The following PXDNL variants were observed in gnomAD, a reference collection of about 807,000 sequenced individuals.
PXDNL encodes peroxidasin like, also known as probable oxidoreductase PXDNL.
Under a neutral mutation model 150.8 loss-of-function variants are expected in PXDNL, and 145 were observed. The observed-to-expected ratio is 0.96, with a 90% CI of 0.84 to 1.10. PXDNL has a LOEUF of 1.10. Among genes scored for constraint, PXDNL ranks in the 50% least tolerant of loss-of-function variants. PXDNL has a pLI of 0.00. For missense variants in PXDNL, 2,087 were observed against 1,873.9 expected, an observed-to-expected ratio of 1.11 and a Z score of -2.10; for synonymous variants, 757 against 725.7, an observed-to-expected ratio of 1.04 and a Z score of -0.69.
chr8:51,437,227 T>C lies in PXDNL; in HGVS notation c.1525+9777A>G, dbSNP rs750350497. 5.7e-4 allele frequency among the ~76,000 whole-genome samples: 87 copies of C among 151,926 alleles called. 2 individuals are homozygous for C. The highest frequency in any genetic ancestry group is 3.2e-3 in the Middle Eastern group (1 of 316). ...AATAAAAAATTTGTCAACAAAAAAG[T>C]CTAGAATTCATAGCTGAATTCTATC... On this transcript the variant is annotated intron_variant, in intron 12 of 22. Transcript: ENST00000356297.
chr8:51,689,213 C>A (rs1815938527), intron 1 of PXDNL, among the ~76,000 whole-genome samples: 1 of 152,220 alleles, frequency 6.6e-6, no homozygotes. Context: ...GGGAGCTGCT[C>A]TGCAGCAGGA....
chr8:51,744,085 G>A (rs34659907), intron 1 of PXDNL, among the ~76,000 whole-genome samples: 30,642 of 47,788 alleles, frequency 0.64, 7,939 homozygotes, highest in African/African-American at 0.7. Context: ...AAGGAAGGAA[G>A]GAAGGAAGGA....
At chr8:51,741,699 A>C (rs755635132) in intron 1 of PXDNL, among the ~76,000 whole-genome samples, 6 of 152,228 alleles carry the variant, frequency 3.9e-5, no homozygotes, top group Non-Finnish European at 1.5e-5. Context: ...AATCTATTCA[A>C]ATAATTTTGA....
At chr8:51,776,245 C>T (rs2037352089) in intron 1 of PXDNL, among the ~76,000 whole-genome samples, 1 of 152,136 alleles carries the variant, frequency 6.6e-6, no homozygotes, top group Non-Finnish European at 1.5e-5. Context: ...GCCCTGCCTC[C>T]ATTTGCCTTG....
chr8:51,775,960 T>C (rs554196454), intron 1 of PXDNL, among the ~76,000 whole-genome samples: 25 of 152,290 alleles, frequency 1.6e-4, no homozygotes, highest in African/African-American at 5.5e-4. Context: ...GGAACATCCC[T>C]GAGAAAGAGA....
chr8:51,472,038 T>G lies in PXDNL; in HGVS notation c.812+149A>C. The stretch of plus-strand genomic sequence containing the variant: ...AAGGCCTTAACATAGCTTGAGTAAG[T>G]CAACAGATAAAAGTTAAAAGGCATT... On this transcript the variant is annotated intron_variant, in intron 8 of 22. Transcript: ENST00000356297. The G allele has an allele frequency of 7.1e-6, 4 of 561,766 alleles. No individual in the cohort carries two copies. In the South Asian group the frequency reaches 1.1e-4, roughly 16 times the overall value. 34.8% of individuals were successfully genotyped at this position (561,766 alleles called of 1,614,324 possible). A position where few individuals can be genotyped will look rare whatever the true frequency, so the allele number is the denominator to read the frequency against.
intron 1 of PXDNL, among the ~76,000 whole-genome samples, chr8:51,672,538 C>T (rs2130831213): frequency 1.3e-5 from 2 of 152,204 alleles, no homozygotes; most frequent in East Asian, 3.9e-4. Flanking sequence ...GTCAAAATTA[C>T]AAATAACCTG....
chr8:51,534,966 T>G (rs1371614166), intron 4 of PXDNL, among the ~76,000 whole-genome samples: 1 of 88,998 alleles, frequency 1.1e-5, no homozygotes, highest in African/African-American at 6.7e-5. Flanking sequence ...GGGAGGGAGG[T>G]GGGGGGGTCA....
At chr8:51,771,546 C>T (rs968233784) in intron 1 of PXDNL, among the ~76,000 whole-genome samples, 19 of 152,172 alleles carry the variant, frequency 1.2e-4, no homozygotes, top group Admixed American at 6.5e-5. Context: ...GACCCCTATC[C>T]TTGGGGGCAA....
chr8:51,731,983 T>G (rs544056288), intron 1 of PXDNL, among the ~76,000 whole-genome samples: 2 of 152,328 alleles, frequency 1.3e-5, no homozygotes, highest in South Asian at 4.1e-4. Context: ...CCCCATTGTC[T>G]TGGCAATTAA....
chr8:51,411,948 C>G (rs771288555), intron 15 of PXDNL, among the ~76,000 whole-genome samples: 14 of 152,060 alleles, frequency 9.2e-5, no homozygotes, highest in Non-Finnish European at 1.9e-4. Context: ...CTTATATACT[C>G]AGTAAAATGT....
At chr8:51,573,896 AT>A (rs1812997143) in intron 3 of PXDNL, among the ~76,000 whole-genome samples, 2 of 152,064 alleles carry the variant, frequency 1.3e-5, no homozygotes, top group South Asian at 4.1e-4. Flanking sequence ...CATCTTTAGT[AT>A]TTCGAAGAAA....
intron 19 of PXDNL, among the ~76,000 whole-genome samples, chr8:51,370,223 A>T (rs764014162): frequency 6.6e-6 from 1 of 152,238 alleles, no homozygotes; most frequent in Non-Finnish European, 1.5e-5. Flanking sequence ...GGCAGAGGTG[A>T]GAAGAGCTAG....
At chr8:51,353,836 C>T (rs1312050193) in intron 19 of PXDNL, among the ~76,000 whole-genome samples, 1 of 152,124 alleles carries the variant, frequency 6.6e-6, no homozygotes, top group Admixed American at 6.5e-5. Context: ...TTCTTACTTA[C>T]ATTCAACTGT....
intron 1 of PXDNL, among the ~76,000 whole-genome samples, chr8:51,728,312 T>G (rs1248790611): frequency 2.0e-5 from 3 of 152,252 alleles, no homozygotes; most frequent in Non-Finnish European, 4.4e-5. Flanking sequence ...ATATACTCAT[T>G]ATACTTTTAA....
chr8:51,427,148 C>T lies in PXDNL; in HGVS notation c.1526-390G>A, dbSNP rs4873549. Among the ~76,000 whole-genome samples, 854 of 152,252 alleles carry T rather than the reference C, an allele frequency of 5.6e-3. 24 individuals are homozygous for T. The highest frequency in any genetic ancestry group is 0.043 in the Admixed American group (663 of 15,294). Reference sequence around the variant, plus strand: ...TAAAAAGATCCAGCTCTTCAGTGAGCATCTCATTTCCTCAAAAAACACAAA... The same window carrying T: ...TAAAAAGATCCAGCTCTTCAGTGAGTATCTCATTTCCTCAAAAAACACAAA... On this transcript the variant is annotated intron_variant, in intron 12 of 22. Coordinates refer to ENST00000356297, the MANE Select transcript of PXDNL (RefSeq NM_144651.5).
intron 1 of PXDNL, among the ~76,000 whole-genome samples, chr8:51,661,340 C>T (rs1340367303): frequency 6.6e-6 from 1 of 152,180 alleles, no homozygotes; most frequent in East Asian, 1.9e-4. Context: ...ATCAACTTGG[C>T]TAGGTCACAG....
At chr8:51,671,288 T>C (rs1036592861) in intron 1 of PXDNL, among the ~76,000 whole-genome samples, 1 of 152,244 alleles carries the variant, frequency 6.6e-6, no homozygotes, top group East Asian at 1.9e-4. Flanking sequence ...CACATATTCA[T>C]GCACAGAGAA....
intron 4 of PXDNL, among the ~76,000 whole-genome samples, chr8:51,516,791 A>C (rs1052603578): frequency 5.9e-5 from 9 of 152,208 alleles, no homozygotes; most frequent in Non-Finnish European, 1.2e-4. Context: ...ACTAGGGACC[A>C]ATTAAGATGT....
Sources: allele counts gnomAD v4.1 joint callset (sites outside exome capture counted in the v4.1 genomes callset), GRCh38; gene constraint gnomAD v4.1.1; transcripts MANE v1.5; gene names NCBI Gene and HGNC (gene_info 2026-07-23, HGNC 2026-07-21).